WDR27: variants seen among roughly 807,000 people sequenced by gnomAD.
WDR27 encodes WD repeat domain 27.
WDR27 carries 100 observed loss-of-function variants against 114.4 expected under a neutral mutation model. The observed-to-expected ratio is 0.87, with a 90% confidence interval of 0.74 to 1.03. WDR27 has a LOEUF of 1.03. Among genes scored for constraint, WDR27 ranks in the 50% least tolerant of loss-of-function variants. The pLI, the probability that WDR27 is intolerant of heterozygous loss-of-function variation, is 0.00. For missense variants in WDR27, 1,129 were observed against 1,092.9 expected, an observed-to-expected ratio of 1.03 and a Z score of -0.47; for synonymous variants, 449 against 423.1, an observed-to-expected ratio of 1.06 and a Z score of -0.75.
chr6:169,433,014 T>C, the WDR27 span, among the ~76,000 whole-genome samples: 15 of 152,348 alleles, frequency 9.8e-5, no homozygotes, highest in African/African-American at 3.6e-4. Context: ...TGAGGTAGTC[T>C]CAGATGGAGA....
At chr6:169,504,321 A>G (rs1157621048) in intron 25 of WDR27, among the ~76,000 whole-genome samples, 2 of 152,316 alleles carry the variant, frequency 1.3e-5, no homozygotes, top group East Asian at 1.9e-4. Context: ...TTGAATTGTA[A>G]GAGTCCATGT....
intron 25 of WDR27, among the ~76,000 whole-genome samples, chr6:169,517,927 A>G (rs141304012): frequency 6.6e-6 from 1 of 152,350 alleles, no homozygotes; most frequent in African/African-American, 2.4e-5. Context: ...GTGTCTAGGT[A>G]CAGATAACAG....
chr6:169,457,096 G>A, downstream of WDR27: 1 of 164,812 alleles, frequency 6.1e-6, no homozygotes, highest in South Asian at 1.5e-4. Flanking sequence ...AGAACCCACG[G>A]GAAGAGGCCA....
At chr6:169,428,049 C>T in the WDR27 span, among the ~76,000 whole-genome samples, 10 of 152,300 alleles carry the variant, frequency 6.6e-5, no homozygotes, top group African/African-American at 2.4e-4. Context: ...GGTCCCGTCT[C>T]CACTTTCAAT....
At chr6:169,513,847 A>G (rs1288946817) in intron 25 of WDR27, among the ~76,000 whole-genome samples, 2 of 152,136 alleles carry the variant, frequency 1.3e-5, no homozygotes, top group East Asian at 3.9e-4. Context: ...ACAGCCCTAA[A>G]GAGAAAATGT....
chr6:169,679,122 G>A (rs1462663745), intron 2 of WDR27, among the ~76,000 whole-genome samples: 4 of 152,136 alleles, frequency 2.6e-5, no homozygotes, highest in African/African-American at 9.7e-5. Flanking sequence ...GGAAGCCCCC[G>A]CTTTGAGTGG....
At chr6:169,576,832 C>A (rs2128133628) in intron 24 of WDR27, among the ~76,000 whole-genome samples, 1 of 151,134 alleles carries the variant, frequency 6.6e-6, no homozygotes, top group South Asian at 2.1e-4. Context: ...TTTTTCAAGA[C>A]TGGAACTCAC....
At chr6:169,663,062 G>A (rs1334175443) in intron 8 of WDR27, among the ~76,000 whole-genome samples, 1 of 151,764 alleles carries the variant, frequency 6.6e-6, no homozygotes, top group Non-Finnish European at 1.5e-5. Context: ...ATGCACCATG[G>A]AGTCACTCAG....
chr6:169,672,482 A>G, intron 2 of WDR27, 86 bp from the exon 3 acceptor site: 1 of 1,325,024 alleles, frequency 7.5e-7, no homozygotes. Flanking sequence ...TAAGAAATTA[A>G]AAGATTGAGT....
chr6:169,606,666 G>C (rs1809259325), intron 22 of WDR27, among the ~76,000 whole-genome samples: 1 of 152,146 alleles, frequency 6.6e-6, no homozygotes, highest in African/African-American at 2.4e-5. Flanking sequence ...TGGTTGCCTA[G>C]TATTCCATGG....
intron 19 of WDR27, among the ~76,000 whole-genome samples, chr6:169,636,084 C>G (rs931080393): frequency 6.6e-6 from 1 of 152,118 alleles, no homozygotes; most frequent in East Asian, 1.9e-4. Context: ...TAGTATTTGT[C>G]CCACATAACA....
chr6:169,606,987 T>C (rs1425098816), intron 22 of WDR27, among the ~76,000 whole-genome samples: 1 of 151,992 alleles, frequency 6.6e-6, no homozygotes, highest in Non-Finnish European at 1.5e-5. Context: ...ATATGAAAAA[T>C]GCTCAACATC....
chr6:169,562,359 C>T (rs73790010), intron 25 of WDR27, among the ~76,000 whole-genome samples: 2,462 of 152,286 alleles, frequency 0.016, 62 homozygotes, highest in African/African-American at 0.057. Flanking sequence ...AGACCTCAAA[C>T]ATTTGAAAAC....
intron 25 of WDR27, among the ~76,000 whole-genome samples, chr6:169,488,653 C>T (rs1051043099): frequency 6.6e-6 from 1 of 152,204 alleles, no homozygotes; most frequent in African/African-American, 2.4e-5. Flanking sequence ...GGAGAACTCC[C>T]CAACCATTTT....
intron 1 of WDR27, among the ~76,000 whole-genome samples, chr6:169,693,572 C>G (rs969566768): frequency 2.0e-5 from 3 of 152,130 alleles, no homozygotes; most frequent in Non-Finnish European, 2.9e-5. Flanking sequence ...AATCAAGTAT[C>G]TGGTGTCTTC....
intron 13 of WDR27, among the ~76,000 whole-genome samples, chr6:169,653,126 G>A (rs1289582372): frequency 1.3e-5 from 2 of 152,182 alleles, no homozygotes; most frequent in South Asian, 2.1e-4. Context: ...GGCACTGCTC[G>A]CCACTCAGCA....
At chr6:169,534,272 T>C (rs1455929954) in intron 25 of WDR27, among the ~76,000 whole-genome samples, 1 of 152,010 alleles carries the variant, frequency 6.6e-6, no homozygotes. Flanking sequence ...TTTTCATAGA[T>C]TGCTAGATTT....
chr6:169,477,340 C>T (rs1787323772), intron 25 of WDR27, among the ~76,000 whole-genome samples: 1 of 152,230 alleles, frequency 6.6e-6, no homozygotes, highest in Non-Finnish European at 1.5e-5. Flanking sequence ...GTACCCCATT[C>T]TCACTGTTAA....
intron 23 of WDR27, among the ~76,000 whole-genome samples, chr6:169,590,138 A>G (rs1285302078): frequency 6.6e-6 from 1 of 152,232 alleles, no homozygotes; most frequent in Non-Finnish European, 1.5e-5. Context: ...ACTATTTTGT[A>G]ACTCTGTTGA....
Sources: gnomAD v4.1 joint callset for allele counts (sites outside exome capture counted in the v4.1 genomes callset) on GRCh38, gnomAD v4.1.1 for gene constraint, MANE v1.5 for transcripts, NCBI Gene and HGNC (gene_info 2026-07-23, HGNC 2026-07-21) for gene names.